MARCHF6: variants seen among roughly 807,000 people sequenced by gnomAD.
The protein encoded by MARCHF6 is membrane associated ring-CH-type finger 6.
In MARCHF6, 31 loss-of-function variants were observed where a neutral mutation model predicts 133.7. That is an observed-to-expected ratio of 0.23 (90% CI 0.17 to 0.31). MARCHF6 has a LOEUF of 0.31. Ranked by LOEUF, MARCHF6 falls within the 10% of genes least tolerant of loss-of-function variation. The pLI is 1.00. For missense variants in MARCHF6, 723 were observed against 1,121.6 expected, an observed-to-expected ratio of 0.64 and a Z score of 5.08; for synonymous variants, 395 against 402.5, an observed-to-expected ratio of 0.98 and a Z score of 0.22.
At chr5:10,385,859 T>TA (rs1023966924) in intron 4 of MARCHF6, among the ~76,000 whole-genome samples, 2 of 152,216 alleles carry the variant, frequency 1.3e-5, no homozygotes, top group African/African-American at 4.8e-5. Flanking sequence ...AGTAAGGACT[T>TA]ACAAGATTTA....
intron 22 of MARCHF6, among the ~76,000 whole-genome samples, chr5:10,418,230 A>AT (rs1739627465): frequency 1.3e-5 from 2 of 152,054 alleles, no homozygotes; most frequent in South Asian, 4.1e-4. Context: ...AATACAAAAA[A>AT]TTAGCCAAGC....
Position 10,353,713 on chromosome 5 carries a change from C to T in MARCHF6, c.-186C>T. On this transcript the variant is annotated 5_prime_UTR_variant, in exon 1 of 26. Transcript: ENST00000274140. ...CCTAGGTGTTCCCGCCCCTCCCCCTCCCGTGTCGCTCGCTTTCTGTCAGCC... is the reference window on the plus strand; with the variant it reads ...CCTAGGTGTTCCCGCCCCTCCCCCTTCCGTGTCGCTCGCTTTCTGTCAGCC... 2.1e-6 allele frequency: 1 copy of T among 481,056 alleles called. No individual in the cohort carries two copies. The highest frequency in any genetic ancestry group is 2.4e-5 in the South Asian group (1 of 41,292). The allele number at this position is 481,056 out of a possible 1,614,324, so 29.8% of individuals were successfully genotyped here. A position where few individuals can be genotyped will look rare whatever the true frequency, so the allele number is the denominator to read the frequency against.
intron 1 of MARCHF6, among the ~76,000 whole-genome samples, chr5:10,370,092 A>ATTTTTT (rs762064486): frequency 3.1e-5 from 2 of 64,960 alleles, no homozygotes; most frequent in African/African-American, 1.4e-4. Context: ...TCTTACTGTG[A>ATTTTTT]TTTTTTTTTT....
chr5:10,402,673 C>T, intron 14 of MARCHF6, 66 bp downstream of exon 14: 2 of 1,286,638 alleles, frequency 1.6e-6, no homozygotes, highest in Non-Finnish European at 2.2e-6. Flanking sequence ...AAGTCTTCAG[C>T]ATGTATTCTT....
chr5:10,353,701 G>A lies in MARCHF6; in HGVS notation c.-198G>A, dbSNP rs940158884. The A allele has an allele frequency of 9.5e-5, 13 of 136,242 alleles. No homozygotes were observed. In the East Asian group the frequency reaches 2.0e-3, roughly 21 times the overall value. 8.4% of individuals were successfully genotyped at this position (136,242 alleles called of 1,614,324 possible). A position where few individuals can be genotyped will look rare whatever the true frequency, so the allele number is the denominator to read the frequency against. ...CCAGGCCTCGCCCCTAGGTGTTCCC[G>A]CCCCTCCCCCTCCCGTGTCGCTCGC... On this transcript the variant is annotated 5_prime_UTR_variant, in exon 1 of 26. Coordinates refer to ENST00000274140, the MANE Select transcript of MARCHF6 (RefSeq NM_005885.4).
intron 9 of MARCHF6, among the ~76,000 whole-genome samples, chr5:10,395,113 C>G (rs896228965): frequency 6.6e-6 from 1 of 152,214 alleles, no homozygotes; most frequent in Admixed American, 6.5e-5. Context: ...CTAATTCTTT[C>G]TAGTAACAGA....
chr5:10,390,184 A>G (rs1737736735), intron 5 of MARCHF6, 148 bp from the exon 6 acceptor site: 2 of 648,436 alleles, frequency 3.1e-6, no homozygotes, highest in Non-Finnish European at 5.2e-6. Context: ...TTTTGGAGAA[A>G]CTTGAGATTT....
chr5:10,439,462 A>C lies in MARCHF6; in HGVS notation c.*5778A>C, dbSNP rs1740774426. 1 of 152,242 alleles carries C rather than the reference A, an allele frequency of 6.6e-6. No homozygotes were observed. The highest frequency in any genetic ancestry group is 1.5e-5 in the Non-Finnish European group (1 of 68,042). 9.4% of individuals were successfully genotyped at this position (152,242 alleles called of 1,614,324 possible). A position where few individuals can be genotyped will look rare whatever the true frequency, so the allele number is the denominator to read the frequency against. The stretch of plus-strand genomic sequence containing the variant: ...TAAATTGTACTTTATCAAAATTGAG[A>C]ACTTCTCTTTGAAAGGTACCATAAG... On this transcript the variant is annotated 3_prime_UTR_variant, in exon 26 of 26. Transcript: ENST00000274140.
intron 14 of MARCHF6, 108 bp downstream of exon 14, chr5:10,402,715 TTA>T: frequency 9.8e-7 from 1 of 1,022,366 alleles, no homozygotes; most frequent in Non-Finnish European, 1.5e-6. Flanking sequence ...GATAATTTGC[TTA>T]TTCTTTTGGC....
intron 4 of MARCHF6, among the ~76,000 whole-genome samples, chr5:10,386,442 T>C (rs1737487098): frequency 6.6e-6 from 1 of 152,250 alleles, no homozygotes; most frequent in African/African-American, 2.4e-5. Context: ...CGTTCACCCA[T>C]ACTTTGTCTT....
chr5:10,376,779 G>T (rs765754919), intron 1 of MARCHF6, among the ~76,000 whole-genome samples: 1 of 152,140 alleles, frequency 6.6e-6, no homozygotes, highest in East Asian at 1.9e-4. Context: ...CACTGCTCTC[G>T]GCATGTGCTC....
rs1301494525 is a variant in MARCHF6, at chr5:10,402,158, A to T, written c.1053+19A>T. 7.0e-7 allele frequency: 1 copy of T among 1,419,720 alleles called. No homozygotes were observed. The highest frequency in any genetic ancestry group is 9.9e-7 in the Non-Finnish European group (1 of 1,008,130). 87.9% of individuals were successfully genotyped at this position (1,419,720 alleles called of 1,614,324 possible). On this transcript the variant is annotated intron_variant, in intron 12 of 25. Transcript: ENST00000274140. Reference sequence around the variant, plus strand: ...TTGTCATGTATCCTTTAATGAACCAACTTGGGTGTACACTAATATTATTCA... The same window carrying T: ...TTGTCATGTATCCTTTAATGAACCATCTTGGGTGTACACTAATATTATTCA...
intron 1 of MARCHF6, among the ~76,000 whole-genome samples, chr5:10,368,456 TAG>T (rs2126664887): frequency 1.3e-5 from 2 of 152,166 alleles, no homozygotes; most frequent in South Asian, 4.2e-4. Context: ...AACGTGGTGA[TAG>T]AGAGACCCTG....
chr5:10,387,143 TATA>T (rs1737530338), intron 5 of MARCHF6, 77 bp downstream of exon 5: 2 of 1,066,264 alleles, frequency 1.9e-6, no homozygotes, highest in African/African-American at 3.2e-5. Context: ...TTTATTTTAT[TATA>T]ATTTGTAAAT....
In MARCHF6 at chr5:10,377,905, CT is replaced by C; in HGVS notation, c.116+15del. On this transcript the variant is annotated intron_variant, in intron 2 of 25. Coordinates refer to ENST00000274140, the MANE Select transcript of MARCHF6 (RefSeq NM_005885.4). ...TATCCATCAAGAATGGTAAGTCATA[CT>C]TTTAGAAAGTTATGTAAGTCTGAGC... 1 of 1,557,856 alleles carries C rather than the reference CT, an allele frequency of 6.4e-7. No individual in the cohort carries two copies. Among genetic ancestry groups the C allele is most frequent in the East Asian group, 2.2e-5 (1 of 44,552 alleles).
rs530674561 is a variant in MARCHF6 at position 10,436,009 on chromosome 5, C to G, written c.*2325C>G. On this transcript the variant is annotated 3_prime_UTR_variant, in exon 26 of 26. Transcript: ENST00000274140. ...CTGGGATTATAGGTGTGAGCCCCCA[C>G]GCCTGGCCAACTTGATTATATTAAT... The G allele has an allele frequency of 6.6e-6, 1 of 151,572 alleles. No homozygotes were observed. Among genetic ancestry groups the G allele is most frequent in the Non-Finnish European group, 1.5e-5 (1 of 68,018 alleles). The allele number at this position is 151,572 out of a possible 1,614,324, so 9.4% of individuals were successfully genotyped here. A position where few individuals can be genotyped will look rare whatever the true frequency, so the allele number is the denominator to read the frequency against.
chr5:10,399,303 A>C (rs1296916260), intron 10 of MARCHF6, among the ~76,000 whole-genome samples: 1 of 151,876 alleles, frequency 6.6e-6, no homozygotes, highest in African/African-American at 2.4e-5. Context: ...TAGTAAACTA[A>C]TACGTATATA....
intron 9 of MARCHF6, among the ~76,000 whole-genome samples, chr5:10,396,294 G>A (rs1423763344): frequency 6.6e-6 from 1 of 152,146 alleles, no homozygotes; most frequent in Non-Finnish European, 1.5e-5. Flanking sequence ...GGACACAAGA[G>A]GGGCACAAAA....
intron 25 of MARCHF6, among the ~76,000 whole-genome samples, chr5:10,433,169 C>T (rs1419852949): frequency 2.0e-5 from 3 of 152,152 alleles, no homozygotes; most frequent in African/African-American, 7.2e-5. Context: ...GGATTACAGG[C>T]GTGAGCCACC....
Sources: gnomAD v4.1 joint callset for allele counts (sites outside exome capture counted in the v4.1 genomes callset) on GRCh38, gnomAD v4.1.1 for gene constraint, MANE v1.5 for transcripts, NCBI Gene and HGNC (gene_info 2026-07-23, HGNC 2026-07-21) for gene names.